The following BCAS3 variants were observed in gnomAD, a reference collection of about 807,000 sequenced individuals.
BCAS3 encodes BCAS4/BCAS3 fusion.
A neutral mutation model predicts 116.1 loss-of-function variants in BCAS3; 53 were observed. That is an observed-to-expected ratio of 0.46 (90% confidence interval 0.37 to 0.57). The LOEUF (loss-of-function observed/expected upper bound fraction) is 0.57, where lower values mean the gene tolerates loss of function less well. BCAS3 is among the 20% of genes least tolerant of loss of function. The probability of loss-of-function intolerance (pLI) is 0.00; values close to 1 mark genes in which losing one functional copy is unlikely to be tolerated. For synonymous variants in BCAS3, 391 were observed against 408.2 expected (o/e 0.96, Z 0.51); for missense variants, 917 against 1,165.4 (o/e 0.79, Z 3.10).
At chr17:60,985,009 C>CAAAAA (rs762586066) in intron 14 of BCAS3, among the ~76,000 whole-genome samples, 2 of 50,350 alleles carry the variant, frequency 4.0e-5, no homozygotes, top group Non-Finnish European at 1.1e-4. Context: ...GACTCCATCT[C>CAAAAA]AAAAAAAAAA....
chr17:61,322,343 G>A (rs1359938603), intron 22 of BCAS3, among the ~76,000 whole-genome samples: 1 of 152,244 alleles, frequency 6.6e-6, no homozygotes, highest in African/African-American at 2.4e-5. Flanking sequence ...GGCTCTGGGA[G>A]ACTGTTTTAG....
In BCAS3 at chr17:61,281,681, T is replaced by A. The variant is rs934074987; in HGVS notation, c.2426-86646T>A. Among the ~76,000 whole-genome samples, 1 of 152,172 alleles carries A rather than the reference T, an allele frequency of 6.6e-6. No individual in the cohort carries two copies. Among genetic ancestry groups the A allele is most frequent in the Non-Finnish European group, 1.5e-5 (1 of 68,022 alleles). On this transcript the variant is annotated intron_variant, in intron 22 of 23. Transcript: ENST00000407086. The surrounding 1 kb of genome is among the most constrained non-coding windows in gnomAD (Gnocchi z 4.2). ...ACTGGGTTTTTTATCTTATTCATAT[T>A]GATTTGGAGGAGCTTTCTATATACT... is the stretch of plus-strand genomic sequence containing the variant.
At chr17:60,708,111 C>T (rs961652601) in intron 4 of BCAS3, among the ~76,000 whole-genome samples, 5 of 151,964 alleles carry the variant, frequency 3.3e-5, no homozygotes, top group Non-Finnish European at 7.4e-5. Context: ...ATTGCTTGAG[C>T]TCAGGAGTTT....
chr17:61,292,656 A>C (rs2052541879), intron 22 of BCAS3, among the ~76,000 whole-genome samples: 1 of 151,996 alleles, frequency 6.6e-6, no homozygotes, highest in African/African-American at 2.4e-5. Flanking sequence ...GTCTCAAAAA[A>C]CAAGAAAAAA....
Position 61,015,770 on chromosome 17 carries a change from C to T in BCAS3, c.1506C>T (p.Asp502=), listed in dbSNP as rs759068901. ...SPLHGKLNSQ[D]SYNNFTNNNP... ...TTGTAGGGAAACTGAACAGCCAAGA[C>T]TCCTATAACAATTTTACCAACAACA... Residue 502 remains aspartate (D), a synonymous_variant, in exon 16 of 24, where the codon GAC becomes GAT. Coordinates refer to ENST00000407086, the MANE Select transcript of BCAS3 (RefSeq NM_017679.5). 3.1e-6 allele frequency: 5 copies of T among 1,613,780 alleles called. No homozygotes were observed. In the East Asian group the frequency reaches 6.7e-5, roughly 22 times the overall value.
chr17:60,879,916 G>C (rs1166695440), intron 9 of BCAS3, among the ~76,000 whole-genome samples: 1 of 152,204 alleles, frequency 6.6e-6, no homozygotes, highest in Non-Finnish European at 1.5e-5. Flanking sequence ...TGATAGGTTA[G>C]TGTGAGTTCT....
At chr17:60,937,986 T>A (rs753692112) in intron 13 of BCAS3, among the ~76,000 whole-genome samples, 1 of 152,032 alleles carries the variant, frequency 6.6e-6, no homozygotes, top group Non-Finnish European at 1.5e-5. Context: ...CACTCATTTA[T>A]CCTTAGACTT....
rs188691762 is a variant in BCAS3, at chr17:60,693,009, C to T, written c.214+3248C>T. On this transcript the variant is annotated intron_variant, in intron 4 of 23. Transcript: ENST00000407086. ...ACAGCCAATTTCCCAAGGAGAATCGCTTGAACGCAGGAGGTGGAGGTTGCC... is the reference window on the plus strand; with the variant it reads ...ACAGCCAATTTCCCAAGGAGAATCGTTTGAACGCAGGAGGTGGAGGTTGCC... 1.9e-3 allele frequency among the ~76,000 whole-genome samples: 290 copies of T among 151,768 alleles called. 4 individuals carry two copies. The highest frequency in any genetic ancestry group is 3.8e-4 in the Non-Finnish European group (26 of 67,944).
intron 22 of BCAS3, among the ~76,000 whole-genome samples, chr17:61,103,028 C>T (rs1282897703): frequency 2.0e-5 from 3 of 152,080 alleles, no homozygotes; most frequent in Admixed American, 1.3e-4. Flanking sequence ...ATCCCTATAG[C>T]AGTCTGATTC....
In BCAS3 at chr17:61,164,095, C is replaced by CT. The variant is rs11350775; in HGVS notation, c.2425+79550dup. 7.8e-3 allele frequency among the ~76,000 whole-genome samples: 1,046 copies of CT among 134,524 alleles called. 9 individuals carry two copies. The highest frequency in any genetic ancestry group is 0.024 in the African/African-American group (829 of 34,702). The allele number at this position is 134,524 out of a possible 152,430, so 88.3% of individuals were successfully genotyped here. A position where few individuals can be genotyped will look rare whatever the true frequency, so the allele number is the denominator to read the frequency against. On this transcript the variant is annotated intron_variant, in intron 22 of 23. Transcript: ENST00000407086. ...ACTGAAATCAGTGATAAAGACATGA[C>CT]TTTTTTTTTTTTTTTTTTTGGAAAC...
chr17:60,755,978 AT>A (rs1355301985), intron 6 of BCAS3, among the ~76,000 whole-genome samples: 1 of 152,190 alleles, frequency 6.6e-6, no homozygotes, highest in Non-Finnish European at 1.5e-5. Context: ...ACTTTGAAAT[AT>A]ATAATACATT....
intron 19 of BCAS3, among the ~76,000 whole-genome samples, chr17:61,071,180 A>G (rs551566107): frequency 1.1e-3 from 162 of 152,304 alleles, no homozygotes; most frequent in African/African-American, 3.8e-3. Context: ...TATGAAAATG[A>G]TAGTACCTTT....
At position 61,013,056 on chromosome 17, in the gene BCAS3, A is replaced by G. The variant is rs575068815; in HGVS notation, c.1487-2695A>G. Among the ~76,000 whole-genome samples the G allele has an allele frequency of 4.6e-5, 7 of 152,034 alleles. No homozygotes were observed. Among genetic ancestry groups the G allele is most frequent in the Non-Finnish European group, 8.8e-5 (6 of 67,952 alleles). Reference sequence around the variant, plus strand: ...TCCCCTCACGTTATCCTTCATGCCCAGAATATTCCTTCTCTCCTACCCTTA... The same window carrying G: ...TCCCCTCACGTTATCCTTCATGCCCGGAATATTCCTTCTCTCCTACCCTTA... On this transcript the variant is annotated intron_variant, in intron 15 of 23. Transcript: ENST00000407086. The surrounding 1 kb of genome is among the most constrained non-coding windows in gnomAD (Gnocchi z 4.4).
At chr17:60,686,015 G>A (rs1234756735) in intron 3 of BCAS3, among the ~76,000 whole-genome samples, 2 of 151,362 alleles carry the variant, frequency 1.3e-5, no homozygotes, top group African/African-American at 2.4e-5. Flanking sequence ...GACTACAGGC[G>A]CCCACCGCCA....
chr17:61,003,807 A>G (rs985761659), intron 15 of BCAS3: 1 of 152,170 alleles, frequency 6.6e-6, no homozygotes, highest in Admixed American at 6.6e-5. Flanking sequence ...CAGCTAATCA[A>G]CAAATCAATA....
intron 7 of BCAS3, chr17:60,810,483 G>C: frequency 1.4e-6 from 1 of 693,526 alleles, no homozygotes. Flanking sequence ...CCGGAAACCA[G>C]AAGCTGGAGA....
At chr17:60,836,323 C>A (rs140385991) in intron 7 of BCAS3, among the ~76,000 whole-genome samples, 1 of 152,050 alleles carries the variant, frequency 6.6e-6, no homozygotes, top group East Asian at 1.9e-4. Context: ...TCTCTTAATT[C>A]TTTTCTTAAT....
intron 7 of BCAS3, among the ~76,000 whole-genome samples, chr17:60,813,843 T>C (rs955908962): frequency 6.6e-6 from 1 of 152,206 alleles, no homozygotes; most frequent in Non-Finnish European, 1.5e-5. Context: ...TGTAGATATA[T>C]GCAGCTTTAT....
intron 14 of BCAS3, among the ~76,000 whole-genome samples, chr17:60,965,942 T>C (rs2061639487): frequency 6.6e-6 from 1 of 152,218 alleles, no homozygotes; most frequent in African/African-American, 2.4e-5. Flanking sequence ...TGGGGTCTCC[T>C]TCTTTTATTG....
Sources: gnomAD v4.1 joint callset for allele counts (sites outside exome capture counted in the v4.1 genomes callset) on GRCh38, gnomAD v4.1.1 for gene constraint, Gnocchi (gnomAD v3.1) non-coding constraint, MANE v1.5 for transcripts, NCBI Gene and HGNC (gene_info 2026-07-23, HGNC 2026-07-21) for gene names.